CEP128: variants seen among roughly 807,000 people sequenced by gnomAD.
CEP128 encodes the protein centrosomal protein 128.
A neutral mutation model predicts 156.7 loss-of-function variants in CEP128; 132 were observed. That is an observed-to-expected ratio of 0.84 (90% CI 0.73 to 0.97). The LOEUF is 0.97. Ranked by LOEUF, CEP128 falls within the 50% of genes least tolerant of loss-of-function variation. The pLI is 0.00. For synonymous variants in CEP128, 469 were observed against 448.9 expected, an observed-to-expected ratio of 1.04 and a Z score of -0.57; for missense variants, 1,252 against 1,281.9, an observed-to-expected ratio of 0.98 and a Z score of 0.36.
At chr14:80,576,118 T>C (rs201060486) in intron 20 of CEP128, among the ~76,000 whole-genome samples, 2 of 152,140 alleles carry the variant, frequency 1.3e-5, no homozygotes, top group East Asian at 3.9e-4. Flanking sequence ...CCAGGTAGAC[T>C]GGTATTTAAA....
intron 20 of CEP128, among the ~76,000 whole-genome samples, chr14:80,564,282 A>G (rs1595011793): frequency 6.6e-6 from 1 of 152,216 alleles, no homozygotes; most frequent in East Asian, 1.9e-4. Context: ...TTGGATTACA[A>G]TGGAGCAGTG....
chr14:80,738,483 A>T (rs559317736), intron 19 of CEP128, among the ~76,000 whole-genome samples: 1 of 152,298 alleles, frequency 6.6e-6, no homozygotes, highest in African/African-American at 2.4e-5. Flanking sequence ...CATTAGATTA[A>T]AATCAGATTT....
chr14:80,769,445 C>T (rs1900405015), intron 16 of CEP128, among the ~76,000 whole-genome samples: 1 of 152,048 alleles, frequency 6.6e-6, no homozygotes. Flanking sequence ...CGCCCCACGA[C>T]AGGCCCCGGT....
chr14:80,620,054 G>A lies in CEP128; in HGVS notation c.2807-39631C>T, dbSNP rs188832744. The stretch of plus-strand genomic sequence containing the variant: ...GAAGAAAAATCACTTGAACTCGGGA[G>A]GCGGAGGTTGCAGTGAGCCGAGATC... On this transcript the variant is annotated intron_variant, in intron 19 of 24. Coordinates refer to ENST00000555265, the MANE Select transcript of CEP128 (RefSeq NM_152446.5). Among the ~76,000 whole-genome samples, 725 of 152,162 alleles carry A rather than the reference G, an allele frequency of 4.8e-3. 8 individuals are homozygous for A. The highest frequency in any genetic ancestry group is 0.017 in the African/African-American group (696 of 41,504).
chr14:80,645,723 T>C (rs1189796686), intron 19 of CEP128, among the ~76,000 whole-genome samples: 3 of 152,148 alleles, frequency 2.0e-5, no homozygotes, highest in Non-Finnish European at 2.9e-5. Context: ...CCTTGATATT[T>C]ACCCAAATGA....
At chr14:80,539,146 A>G (rs1356970331) in intron 21 of CEP128, among the ~76,000 whole-genome samples, 5 of 152,110 alleles carry the variant, frequency 3.3e-5, no homozygotes, top group African/African-American at 1.2e-4. Flanking sequence ...AAAGGTAAAA[A>G]CTCTCTGTCC....
In CEP128 at chr14:80,763,504, T is replaced by C. The variant is rs182172496; in HGVS notation, c.2377-1891A>G. Among the ~76,000 whole-genome samples, 268 of 152,342 alleles carry C rather than the reference T, an allele frequency of 1.8e-3. 1 individual carries two copies. Among genetic ancestry groups the C allele is most frequent in the Non-Finnish European group, 2.9e-3 (194 of 68,032 alleles). ...AGTCTCTAGGTGATATTTGCCTCCC[T>C]ACTGTTCCTGTGTATCTACCACCTA... On this transcript the variant is annotated intron_variant, in intron 16 of 24. Coordinates refer to ENST00000555265, the MANE Select transcript of CEP128 (RefSeq NM_152446.5).
intron 12 of CEP128, among the ~76,000 whole-genome samples, chr14:80,831,694 G>T (rs1361682187): frequency 1.3e-5 from 2 of 151,288 alleles, no homozygotes. Flanking sequence ...AACAACAAAT[G>T]ATGCTATTAA....
At chr14:80,935,599 T>TAAATAAATAAATAAAA (rs1239911844) in intron 2 of CEP128, among the ~76,000 whole-genome samples, 5 of 46,278 alleles carry the variant, frequency 1.1e-4, no homozygotes, top group African/African-American at 4.2e-4. Context: ...AATAAATAAA[T>TAAATAAATAAATAAAA]AAAAATAAAG....
At chr14:80,753,234 G>A (rs1007595311) in intron 18 of CEP128, among the ~76,000 whole-genome samples, 1 of 152,180 alleles carries the variant, frequency 6.6e-6, no homozygotes, top group Non-Finnish European at 1.5e-5. Flanking sequence ...ATAAGGAACA[G>A]GATAAGCACA....
chr14:80,653,284 G>A (rs543056192), intron 19 of CEP128, among the ~76,000 whole-genome samples: 5 of 152,032 alleles, frequency 3.3e-5, no homozygotes, highest in Non-Finnish European at 7.4e-5. Context: ...TTATACCTAT[G>A]TAACAAACCT....
At chr14:80,697,116 TA>T (rs1205095682) in intron 19 of CEP128, among the ~76,000 whole-genome samples, 1 of 152,078 alleles carries the variant, frequency 6.6e-6, no homozygotes, top group Admixed American at 6.6e-5. Flanking sequence ...TCTTTGAACT[TA>T]AGTCATATCA....
At chr14:80,605,996 T>G (rs1236084686) in intron 19 of CEP128, among the ~76,000 whole-genome samples, 1 of 151,840 alleles carries the variant, frequency 6.6e-6, no homozygotes, top group Non-Finnish European at 1.5e-5. Flanking sequence ...TATTATAATT[T>G]TATCTTTATA....
intron 19 of CEP128, among the ~76,000 whole-genome samples, chr14:80,620,488 A>G (rs1309212459): frequency 6.6e-6 from 1 of 152,208 alleles, no homozygotes; most frequent in Non-Finnish European, 1.5e-5. Context: ...GGAAAATAAA[A>G]AAGAAAAGAT....
chr14:80,745,266 C>G (rs1332708716), intron 18 of CEP128, among the ~76,000 whole-genome samples: 1 of 152,112 alleles, frequency 6.6e-6, no homozygotes, highest in East Asian at 1.9e-4. Flanking sequence ...TTCACCCTTC[C>G]ACCATGATTG....
At chr14:80,694,053 C>T (rs746113257) in intron 19 of CEP128, among the ~76,000 whole-genome samples, 1 of 151,872 alleles carries the variant, frequency 6.6e-6, no homozygotes, top group Non-Finnish European at 1.5e-5. Context: ...AAAACTTCAT[C>T]CAAATTTACA....
At chr14:80,714,806 A>G (rs996243098) in intron 19 of CEP128, among the ~76,000 whole-genome samples, 14 of 152,308 alleles carry the variant, frequency 9.2e-5, no homozygotes. Context: ...AAAAGAAAAA[A>G]TTTAAGAATA....
intron 2 of CEP128, among the ~76,000 whole-genome samples, chr14:80,956,438 G>C (rs527366712): frequency 6.6e-6 from 1 of 152,220 alleles, no homozygotes; most frequent in Non-Finnish European, 1.5e-5. Context: ...TTGTGATAGA[G>C]GTATAAAGAA....
intron 19 of CEP128, among the ~76,000 whole-genome samples, chr14:80,715,508 G>A (rs1897571845): frequency 6.6e-6 from 1 of 152,146 alleles, no homozygotes; most frequent in African/African-American, 2.4e-5. Flanking sequence ...TAATGAAGAA[G>A]TATGAAAATG....
Sources: gnomAD v4.1 joint callset for allele counts (sites outside exome capture counted in the v4.1 genomes callset) on GRCh38, gnomAD v4.1.1 for gene constraint, MANE v1.5 for transcripts, NCBI Gene and HGNC (gene_info 2026-07-23, HGNC 2026-07-21) for gene names.